The following CFAP54 variants were observed in gnomAD, a reference collection of about 807,000 sequenced individuals.
CFAP54 encodes the protein cilia- and flagella-associated protein 54.
In CFAP54, 290 loss-of-function variants were observed where a neutral mutation model predicts 370.4. That is an observed-to-expected ratio of 0.78 (90% CI 0.71 to 0.86). The LOEUF (loss-of-function observed/expected upper bound fraction) is 0.86. Ranked by LOEUF, CFAP54 falls within the 40% of genes least tolerant of loss-of-function variation. CFAP54 has a pLI of 0.00. For synonymous variants in CFAP54, 1,206 were observed against 1,236.5 expected, an observed-to-expected ratio of 0.98 and a Z score of 0.52; for missense variants, 3,399 against 3,528.7, an observed-to-expected ratio of 0.96 and a Z score of 0.93.
At chr12:96,625,495 C>A (rs1217674413) in intron 28 of CFAP54, among the ~76,000 whole-genome samples, 1 of 151,884 alleles carries the variant, frequency 6.6e-6, no homozygotes, top group Non-Finnish European at 1.5e-5. Flanking sequence ...GGTGGTGGAC[C>A]CCTTAGCTTT....
chr12:96,801,758 G>A (rs1018830186), intron 63 of CFAP54, among the ~76,000 whole-genome samples: 7 of 152,176 alleles, frequency 4.6e-5, no homozygotes, highest in Admixed American at 3.9e-4. Flanking sequence ...ATAGGGAGGA[G>A]GGGTAATAAG....
At chr12:96,617,451 G>C (rs1956432243) in intron 26 of CFAP54, among the ~76,000 whole-genome samples, 1 of 152,140 alleles carries the variant, frequency 6.6e-6, no homozygotes, top group African/African-American at 2.4e-5. Context: ...CCAAATACTA[G>C]ACAAGAGGGA....
At chr12:96,538,305 T>C (rs1955530051) in intron 12 of CFAP54, 79 bp from the exon 13 acceptor site, 2 of 1,202,096 alleles carry the variant, frequency 1.7e-6, no homozygotes, top group Non-Finnish European at 2.3e-6. Context: ...GCTCTTAGAG[T>C]GTTTCTCAGC....
chr12:96,718,829 G>A (rs1026308559), intron 49 of CFAP54, among the ~76,000 whole-genome samples: 4 of 152,064 alleles, frequency 2.6e-5, no homozygotes, highest in African/African-American at 4.8e-5. Context: ...ACCTGAGGTC[G>A]GGAGTTCAAG....
At chr12:96,738,975 T>A (rs1264645873) in intron 50 of CFAP54, among the ~76,000 whole-genome samples, 1 of 152,248 alleles carries the variant, frequency 6.6e-6, no homozygotes, top group Non-Finnish European at 1.5e-5. Flanking sequence ...GTCCTCATTT[T>A]AACTTGGTTG....
chr12:96,642,043 C>T (rs555340988), intron 32 of CFAP54, among the ~76,000 whole-genome samples: 4 of 150,552 alleles, frequency 2.7e-5, no homozygotes, highest in Non-Finnish European at 4.4e-5. Flanking sequence ...CAAACTTGCA[C>T]GTTGTGCACA....
At chr12:96,797,411 A>G (rs540157592) in intron 63 of CFAP54, among the ~76,000 whole-genome samples, 1 of 152,032 alleles carries the variant, frequency 6.6e-6, no homozygotes, top group Non-Finnish European at 1.5e-5. Context: ...AAAATTAATT[A>G]CTAAGAGAAG....
intron 60 of CFAP54, among the ~76,000 whole-genome samples, chr12:96,771,088 G>T (rs1958455761): frequency 6.6e-6 from 1 of 152,158 alleles, no homozygotes; most frequent in African/African-American, 2.4e-5. Flanking sequence ...ATTCCAAATT[G>T]CCAAAGCAAA....
At chr12:96,701,636 T>C (rs1299720660) in intron 46 of CFAP54, among the ~76,000 whole-genome samples, 1 of 152,054 alleles carries the variant, frequency 6.6e-6, no homozygotes, top group Non-Finnish European at 1.5e-5. Context: ...TAAGCAAGTT[T>C]TGAGGGAAGT....
chr12:96,833,507 C>CGTGTGTGTGTGTGT (rs34316003), intron 66 of CFAP54, among the ~76,000 whole-genome samples: 19 of 144,156 alleles, frequency 1.3e-4, no homozygotes, highest in African/African-American at 4.3e-4. Context: ...CACACGCGTA[C>CGTGTGTGTGTGTGT]GTGTGTGTGT....
intron 35 of CFAP54, among the ~76,000 whole-genome samples, chr12:96,650,517 C>T (rs541902667): frequency 6.6e-6 from 1 of 152,090 alleles, no homozygotes; most frequent in Non-Finnish European, 1.5e-5. Context: ...CTGCCCTTGC[C>T]CCCGGTCTCC....
intron 58 of CFAP54, among the ~76,000 whole-genome samples, chr12:96,763,144 T>C (rs1958357729): frequency 6.6e-6 from 1 of 152,168 alleles, no homozygotes; most frequent in South Asian, 2.1e-4. Context: ...TAGTTGTCTT[T>C]AAAAATGTAC....
intron 58 of CFAP54, among the ~76,000 whole-genome samples, chr12:96,762,669 G>T (rs1958352208): frequency 6.6e-6 from 1 of 152,122 alleles, no homozygotes; most frequent in Admixed American, 6.5e-5. Flanking sequence ...ATGCCTGTTA[G>T]TCTTGTTACC....
rs553534572 is a variant in CFAP54 at position 96,753,720 on chromosome 12, C to T, written c.7685-23C>T. ...ACACCGTGTATTTTTTTGTTCTTCC[C>T]CACCGAACTGTTTTTCTTTTAGGAC... On this transcript the variant is annotated intron_variant, in intron 55 of 67. Coordinates refer to ENST00000524981, the MANE Select transcript of CFAP54 (RefSeq NM_001306084.2). 4.1e-5 allele frequency: 66 copies of T among 1,605,368 alleles called. 1 individual carries two copies. The Middle Eastern group carries it at 1.0e-3, about 24-fold the overall frequency.
chr12:96,663,702 C>CT (rs1161251472), intron 38 of CFAP54, 128 bp from the exon 39 acceptor site: 14 of 640,494 alleles, frequency 2.2e-5, no homozygotes, highest in South Asian at 2.2e-5. Flanking sequence ...ATTCTGCCAG[C>CT]TTTTTTTGTA....
intron 66 of CFAP54, among the ~76,000 whole-genome samples, chr12:96,837,495 G>A (rs1445496254): frequency 6.7e-6 from 1 of 150,366 alleles, no homozygotes; most frequent in Non-Finnish European, 1.5e-5. Flanking sequence ...CAAAATAAAT[G>A]TGTTATTATG....
At chr12:96,539,689 A>T (rs140068666) in intron 13 of CFAP54, among the ~76,000 whole-genome samples, 1,704 of 152,212 alleles carry the variant, frequency 0.011, 21 homozygotes, top group Non-Finnish European at 0.016. Flanking sequence ...AAAATAAATA[A>T]AAATAAAAAA....
At chr12:96,675,218 A>C (rs1188920077) in intron 39 of CFAP54, among the ~76,000 whole-genome samples, 1 of 152,194 alleles carries the variant, frequency 6.6e-6, no homozygotes, top group Non-Finnish European at 1.5e-5. Flanking sequence ...CAGAATCTAC[A>C]ATGAACTCAA....
intron 65 of CFAP54, among the ~76,000 whole-genome samples, chr12:96,825,815 T>G (rs1238640742): frequency 1.5e-5 from 2 of 131,122 alleles, no homozygotes; most frequent in African/African-American, 5.8e-5. Flanking sequence ...TTATAATATA[T>G]AAATATATAA....
Sources: gnomAD v4.1 joint callset for allele counts (sites outside exome capture counted in the v4.1 genomes callset) on GRCh38, gnomAD v4.1.1 for gene constraint, MANE v1.5 for transcripts, NCBI Gene and HGNC (gene_info 2026-07-23, HGNC 2026-07-21) for gene names.